ERI1: variants seen among roughly 807,000 people sequenced by gnomAD.
ERI1 encodes the protein exoribonuclease 1, also known as 3'-5' exoribonuclease 1.
A neutral mutation model predicts 39.7 loss-of-function variants in ERI1; 39 were observed. The ratio of observed to expected loss-of-function variants is 0.98; its 90% CI spans 0.76 to 1.28. The LOEUF (loss-of-function observed/expected upper bound fraction) is 1.28, where lower values mean the gene tolerates loss of function less well. ERI1 is among the 50% of genes most tolerant of loss of function. ERI1 has a pLI of 0.00. For synonymous variants in ERI1, 204 were observed against 149.6 expected (o/e 1.36, Z -2.65); for missense variants, 581 against 416.9 (o/e 1.39, Z -3.43).
chr8:9,053,316 C>T (rs1384502455), intron 3 of ERI1, among the ~76,000 whole-genome samples: 1 of 152,186 alleles, frequency 6.6e-6, no homozygotes, highest in Non-Finnish European at 1.5e-5. Flanking sequence ...CGCGCCCAGC[C>T]AGTGGCTAAT....
At chr8:9,034,834 G>C (rs780040495), downstream of ERI1, among the ~76,000 whole-genome samples, 7 of 152,202 alleles carry the variant, frequency 4.6e-5, no homozygotes, top group Non-Finnish European at 8.8e-5. Context: ...ATCCAAATTA[G>C]CAAAGTTGTA....
chr8:9,007,633 C>T (rs941075365), intron 1 of ERI1, among the ~76,000 whole-genome samples: 3 of 152,162 alleles, frequency 2.0e-5, no homozygotes, highest in Non-Finnish European at 2.9e-5. Context: ...GAGGCTAATA[C>T]GTAGCTATCC....
At chr8:9,045,503 C>G (rs1341961387) in intron 3 of ERI1, among the ~76,000 whole-genome samples, 1 of 151,822 alleles carries the variant, frequency 6.6e-6, no homozygotes, top group Non-Finnish European at 1.5e-5. Flanking sequence ...GCTCTCAAAT[C>G]TGATGTATTG....
chr8:9,025,949 A>T (rs1002864371), intron 6 of ERI1, among the ~76,000 whole-genome samples: 1 of 152,202 alleles, frequency 6.6e-6, no homozygotes, highest in Non-Finnish European at 1.5e-5. Flanking sequence ...TTTGTGGATG[A>T]AACAGTGTAT....
At chr8:9,076,859 C>T (rs1799226089) in intron 3 of ERI1, among the ~76,000 whole-genome samples, 1 of 152,188 alleles carries the variant, frequency 6.6e-6, no homozygotes, top group African/African-American at 2.4e-5. Flanking sequence ...AGGAGAGCTG[C>T]CCCACCTTTG....
At chr8:9,052,033 T>A (rs969099671) in intron 3 of ERI1, among the ~76,000 whole-genome samples, 1 of 152,230 alleles carries the variant, frequency 6.6e-6, no homozygotes, top group African/African-American at 2.4e-5. Flanking sequence ...AGGGTCGTAG[T>A]GAGAAATGAA....
chr8:9,015,816 C>T (rs1364182452), intron 3 of ERI1, among the ~76,000 whole-genome samples: 2 of 151,044 alleles, frequency 1.3e-5, no homozygotes, highest in Non-Finnish European at 3.0e-5. Flanking sequence ...CTTAAACTAC[C>T]TATATATCAT....
At chr8:9,015,140 G>C (rs946926076) in intron 3 of ERI1, among the ~76,000 whole-genome samples, 1 of 152,042 alleles carries the variant, frequency 6.6e-6, no homozygotes, top group Non-Finnish European at 1.5e-5. Flanking sequence ...TCTGGCCTCA[G>C]GTGTTCTTTT....
intron 6 of ERI1, among the ~76,000 whole-genome samples, chr8:9,028,676 T>C (rs1797362888): frequency 6.6e-6 from 1 of 152,182 alleles, no homozygotes; most frequent in African/African-American, 2.4e-5. Context: ...CAGGCTGGAG[T>C]GCAGTGGAGT....
At chr8:9,038,088 T>C (rs1010938682), downstream of ERI1, among the ~76,000 whole-genome samples, 3 of 152,318 alleles carry the variant, frequency 2.0e-5, no homozygotes, top group South Asian at 2.1e-4. Flanking sequence ...AGTATAAATA[T>C]TGACATTTAA....
intron 1 of ERI1, among the ~76,000 whole-genome samples, chr8:9,005,435 G>C (rs1244982160): frequency 6.6e-6 from 1 of 151,778 alleles, no homozygotes; most frequent in Non-Finnish European, 1.5e-5. Context: ...ATAAGAAGAG[G>C]ACAGCAATTA....
intron 3 of ERI1, among the ~76,000 whole-genome samples, chr8:9,065,834 C>A (rs1420692748): frequency 6.6e-6 from 1 of 151,998 alleles, no homozygotes; most frequent in African/African-American, 2.4e-5. Context: ...AGTTTTGATT[C>A]CTTTTTCCTC....
rs190145749 is a variant in ERI1, at chr8:9,031,277, G to C, written c.*1243G>C. On this transcript the variant is annotated 3_prime_UTR_variant, in exon 7 of 7. Coordinates refer to ENST00000250263, the MANE Select transcript of ERI1 (RefSeq NM_153332.4). ...CCTATATCATATAGGGTGAAAAGCA[G>C]GAAAGTAGACATTTTTCTTGGCGTG... 5.8e-4 allele frequency: 88 copies of C among 152,280 alleles called. No homozygotes were observed. Among genetic ancestry groups the C allele is most frequent in the African/African-American group, 1.9e-3 (81 of 41,562 alleles). 9.4% of individuals were successfully genotyped at this position (152,280 alleles called of 1,614,324 possible). A position where few individuals can be genotyped will look rare whatever the true frequency, so the allele number is the denominator to read the frequency against.
chr8:9,063,048 C>T (rs1020283194), intron 3 of ERI1, among the ~76,000 whole-genome samples: 10 of 152,152 alleles, frequency 6.6e-5, no homozygotes, highest in Non-Finnish European at 8.8e-5. Context: ...ACTTGGCTGC[C>T]TCTACTTTAT....
chr8:9,037,296 A>G (rs73662283), downstream of ERI1, among the ~76,000 whole-genome samples: 2,479 of 152,188 alleles, frequency 0.016, 69 homozygotes, highest in African/African-American at 0.056. Flanking sequence ...CATGTGCACC[A>G]TCCTACTTCT....
In ERI1 at chr8:9,027,559, T is replaced by C. The variant is rs572111363; in HGVS notation, c.808-2233T>C. On this transcript the variant is annotated intron_variant, in intron 6 of 6. Transcript: ENST00000250263. ...ATCCAAGAAATCATTGTCCAATCCA[T>C]TGTCATAAAGCCTTTTCCATATGTT... Among the ~76,000 whole-genome samples, 4 of 152,328 alleles carry C rather than the reference T, an allele frequency of 2.6e-5. No homozygotes were observed. The South Asian group carries it at 8.3e-4, about 32-fold the overall frequency.
intron 3 of ERI1, among the ~76,000 whole-genome samples, chr8:9,053,704 G>A (rs1044151079): frequency 7.9e-5 from 12 of 152,162 alleles, no homozygotes; most frequent in African/African-American, 2.4e-4. Flanking sequence ...GTGGAACTGA[G>A]GCCTTGGTTT....
At chr8:9,041,147 C>G (rs1201972231) in intron 3 of ERI1, among the ~76,000 whole-genome samples, 2 of 152,204 alleles carry the variant, frequency 1.3e-5, no homozygotes, top group East Asian at 3.8e-4. Context: ...GACTTTTGTT[C>G]ATTCTGTGTG....
chr8:9,004,411 T>C, intron 1 of ERI1: 1 of 479,440 alleles, frequency 2.1e-6, no homozygotes, highest in Non-Finnish European at 2.9e-6. Flanking sequence ...AAGGCCTAGG[T>C]CTCTGTTCCA....
Sources: gnomAD v4.1 joint callset for allele counts (sites outside exome capture counted in the v4.1 genomes callset) on GRCh38, gnomAD v4.1.1 for gene constraint, MANE v1.5 for transcripts, NCBI Gene and HGNC (gene_info 2026-07-23, HGNC 2026-07-21) for gene names.